Variants in SYTL2 observed in about 807,000 individuals in gnomAD.
The protein encoded by SYTL2 is synaptotagmin like 2.
In SYTL2, 165 loss-of-function variants were observed where a neutral mutation model predicts 198.7. That is an observed-to-expected ratio of 0.83 (90% CI 0.73 to 0.94). The LOEUF (loss-of-function observed/expected upper bound fraction) is 0.94. SYTL2 is among the 40% of genes least tolerant of loss of function. SYTL2 has a pLI of 0.00. For synonymous variants in SYTL2, 966 were observed against 917.7 expected (o/e 1.05, Z -0.95); for missense variants, 2,835 against 2,582.8 (o/e 1.10, Z -2.12).
At chr11:85,822,210 G>T in the SYTL2 span, among the ~76,000 whole-genome samples, 1 of 152,188 alleles carries the variant, frequency 6.6e-6, no homozygotes, top group Non-Finnish European at 1.5e-5. Context: ...TTTTCTCTGT[G>T]AGTCTCAGGT....
At chr11:85,697,927 A>G in intron 18 of SYTL2, 52 bp downstream of exon 18, 1 of 1,221,462 alleles carries the variant, frequency 8.2e-7, no homozygotes, top group Admixed American at 1.8e-5. Context: ...GAAACTAACC[A>G]GCAAAGACCA....
intron 9 of SYTL2, 69 bp from the exon 10 acceptor site, chr11:85,718,912 C>T: frequency 6.3e-7 from 1 of 1,584,256 alleles, no homozygotes; most frequent in South Asian, 1.1e-5. Flanking sequence ...ATGAGATTGT[C>T]CCTGGAAGCC....
At chr11:85,697,684 TA>T (rs2083601087) in intron 18 of SYTL2, among the ~76,000 whole-genome samples, 2 of 152,176 alleles carry the variant, frequency 1.3e-5, no homozygotes, top group African/African-American at 4.8e-5. Context: ...ATTAGAAATT[TA>T]ATAAACTCTT....
At chr11:85,811,471 G>A (rs1320842190), upstream of SYTL2, among the ~76,000 whole-genome samples, 1 of 152,166 alleles carries the variant, frequency 6.6e-6, no homozygotes, top group Non-Finnish European at 1.5e-5. Context: ...GCGTTAGGGG[G>A]CCTTGGAGCC....
chr11:85,711,394 G>C (rs1269049183), intron 12 of SYTL2, among the ~76,000 whole-genome samples, 162 bp from the exon 13 acceptor site: 2 of 152,136 alleles, frequency 1.3e-5, no homozygotes, highest in African/African-American at 4.8e-5. Flanking sequence ...GGATGGAGTG[G>C]GTGGTCTGCC....
At position 85,695,204 on chromosome 11, in the gene SYTL2, A is replaced by G. The variant is rs1443304401; in HGVS notation, c.6711T>C (p.Ile2237=). The stretch of plus-strand genomic sequence containing the variant: ...CCAGTGGAATTTGGGCTCATTTGGA[A>G]ATCTTGGCAATCAAAAGCATTCTGA... ...LPLRMLLIAK[I]SK The change falls in exon 20 of 20, where the codon ATT becomes ATC. Residue 2237 remains isoleucine, a synonymous_variant. Coordinates refer to ENST00000359152, the MANE Select transcript of SYTL2 (RefSeq NM_206927.4). 8 of 1,611,214 alleles carry G rather than the reference A, an allele frequency of 5.0e-6. No homozygotes were observed. Among genetic ancestry groups the G allele is most frequent in the Non-Finnish European group, 6.8e-6 (8 of 1,178,342 alleles).
intron 1 of SYTL2, among the ~76,000 whole-genome samples, chr11:85,803,589 G>T (rs565868858): frequency 9.1e-4 from 138 of 152,270 alleles, no homozygotes; most frequent in South Asian, 1.7e-3. Flanking sequence ...TCCTAGTTTT[G>T]AATATTTATA....
At chr11:85,720,816 G>A in intron 9 of SYTL2, 42 bp downstream of exon 9, 2 of 1,414,564 alleles carry the variant, frequency 1.4e-6, no homozygotes, top group Non-Finnish European at 2.0e-6. Context: ...GCATTTTTAA[G>A]CTTAGATGGG....
chr11:85,777,778 A>T (rs1414341896), intron 1 of SYTL2, among the ~76,000 whole-genome samples: 1 of 142,712 alleles, frequency 7.0e-6, no homozygotes, highest in South Asian at 2.3e-4. Context: ...TAGGAATCCT[A>T]AGGTTTCACT....
intron 9 of SYTL2, chr11:85,719,087 G>T (rs967600096): frequency 1.3e-6 from 2 of 1,494,758 alleles, no homozygotes; most frequent in Non-Finnish European, 1.8e-6. Flanking sequence ...GACTCCCAAG[G>T]GTTAGAGGGT....
chr11:85,797,602 G>A (rs1194858527), intron 1 of SYTL2, among the ~76,000 whole-genome samples: 1 of 151,152 alleles, frequency 6.6e-6, no homozygotes, highest in African/African-American at 2.4e-5. Flanking sequence ...ACTCCAGCCT[G>A]GGAGACAGAG....
chr11:85,779,609 C>T lies in SYTL2; in HGVS notation c.-389-21495G>A, dbSNP rs111589568. 3.5e-3 allele frequency among the ~76,000 whole-genome samples: 527 copies of T among 149,088 alleles called. 2 individuals are homozygous for T. Among genetic ancestry groups the T allele is most frequent in the African/African-American group, 0.012 (503 of 40,788 alleles). On this transcript the variant is annotated intron_variant, in intron 1 of 19. Transcript: ENST00000359152. The stretch of plus-strand genomic sequence containing the variant: ...AAATGTTCATTTCAAAAGCTATAAA[C>T]ATATGGAACAGATAAAACTCATCAA...
chr11:85,810,565 C>T (rs2093018650), intron 1 of SYTL2, among the ~76,000 whole-genome samples: 1 of 152,146 alleles, frequency 6.6e-6, no homozygotes, highest in Non-Finnish European at 1.5e-5. Flanking sequence ...TAAACAGGTG[C>T]TGACGCTCCT....
chr11:85,774,628 A>G (rs1034515737), intron 1 of SYTL2, among the ~76,000 whole-genome samples: 11 of 152,212 alleles, frequency 7.2e-5, no homozygotes, highest in Non-Finnish European at 1.3e-4. Flanking sequence ...TTTTTACGTG[A>G]TCCCAATTTA....
At chr11:85,777,079 A>C (rs556654738) in intron 1 of SYTL2, among the ~76,000 whole-genome samples, 2 of 152,356 alleles carry the variant, frequency 1.3e-5, no homozygotes, top group East Asian at 1.9e-4. Context: ...AGGGTGGAGT[A>C]CAGGAAAACA....
intron 4 of SYTL2, among the ~76,000 whole-genome samples, chr11:85,740,657 T>C (rs2090717409): frequency 6.6e-6 from 1 of 152,202 alleles, no homozygotes; most frequent in Non-Finnish European, 1.5e-5. Context: ...ATTTTTAAAC[T>C]ATGAAGCAAG....
chr11:85,709,524 T>A, intron 13 of SYTL2, 24 bp from the exon 14 acceptor site: 1 of 1,608,226 alleles, frequency 6.2e-7, no homozygotes, highest in South Asian at 1.1e-5. Context: ...AAATACATAG[T>A]GTTTGTCTCT....
intron 1 of SYTL2, among the ~76,000 whole-genome samples, chr11:85,780,966 A>C (rs998739085): frequency 1.1e-4 from 17 of 152,284 alleles, no homozygotes; most frequent in Admixed American, 6.5e-4. Context: ...TTGCTGTAGA[A>C]CTGATTGCTT....
At chr11:85,815,480 T>G (rs755249997), upstream of SYTL2, among the ~76,000 whole-genome samples, 13 of 152,252 alleles carry the variant, frequency 8.5e-5, no homozygotes, top group Non-Finnish European at 1.6e-4. Flanking sequence ...AGTATAAAAC[T>G]TTGGCCTTGA....
Sources: gnomAD v4.1 joint callset for allele counts (sites outside exome capture counted in the v4.1 genomes callset) on GRCh38, gnomAD v4.1.1 for gene constraint, MANE v1.5 for transcripts, NCBI Gene and HGNC (gene_info 2026-07-23, HGNC 2026-07-21) for gene names.